The following RALGAPA2 variants were observed in gnomAD, a reference collection of about 807,000 sequenced individuals.
RALGAPA2 encodes Ral GTPase activating protein catalytic subunit alpha 2.
In RALGAPA2, 139 loss-of-function variants were observed where a neutral mutation model predicts 230.4. That is an observed-to-expected ratio of 0.60 (90% CI 0.53 to 0.69). RALGAPA2 has a LOEUF of 0.69. Ranked by LOEUF, RALGAPA2 falls within the 30% of genes least tolerant of loss-of-function variation. The pLI is 0.00. For missense variants in RALGAPA2, 2,163 were observed against 2,276.0 expected, an observed-to-expected ratio of 0.95 and a Z score of 1.01; for synonymous variants, 847 against 837.8, an observed-to-expected ratio of 1.01 and a Z score of -0.19.
chr20:20,527,720 A>G (rs1356170079), intron 27 of RALGAPA2, among the ~76,000 whole-genome samples: 1 of 151,760 alleles, frequency 6.6e-6, no homozygotes, highest in Admixed American at 6.6e-5. Context: ...TTTGTTTGTT[A>G]TTTTCCTGCA....
chr20:20,511,448 T>A, intron 32 of RALGAPA2, 123 bp from the exon 33 acceptor site: 2 of 1,401,954 alleles, frequency 1.4e-6, no homozygotes, highest in Non-Finnish European at 1.9e-6. Context: ...ACAAAAGATT[T>A]GTGATAGAAA....
chr20:20,584,820 A>G (rs2065085334), intron 19 of RALGAPA2, 45 bp downstream of exon 19: 2 of 1,343,012 alleles, frequency 1.5e-6, no homozygotes, highest in Admixed American at 1.8e-5. Context: ...AAAATAGAAC[A>G]TATCAACTCT....
intron 35 of RALGAPA2, among the ~76,000 whole-genome samples, chr20:20,502,954 A>T (rs1251056613): frequency 6.6e-6 from 1 of 152,208 alleles, no homozygotes; most frequent in African/African-American, 2.4e-5. Flanking sequence ...AACTGGCCAC[A>T]AGGCAAGTTG....
chr20:20,473,057 A>G, intron 36 of RALGAPA2, 101 bp from the exon 37 acceptor site: 1 of 1,289,752 alleles, frequency 7.8e-7, no homozygotes, highest in African/African-American at 1.5e-5. Context: ...TGAGCACTTA[A>G]GCTGTCACCC....
chr20:20,470,243 T>C (rs954030072), intron 37 of RALGAPA2, among the ~76,000 whole-genome samples: 6 of 152,208 alleles, frequency 3.9e-5, no homozygotes, highest in African/African-American at 1.4e-4. Context: ...TTAGCTTAAT[T>C]AGAAATGTTT....
At chr20:20,593,913 C>T (rs926593368) in intron 16 of RALGAPA2, among the ~76,000 whole-genome samples, 4 of 152,210 alleles carry the variant, frequency 2.6e-5, no homozygotes, top group African/African-American at 9.6e-5. Context: ...GTCTGCCTTC[C>T]CAACAGGCTG....
intron 2 of RALGAPA2, 144 bp downstream of exon 2, chr20:20,680,547 C>T (rs2146830172): frequency 8.3e-7 from 1 of 1,203,790 alleles, no homozygotes. Context: ...AACAAAGATG[C>T]CACCCTGTCC....
At chr20:20,412,219 T>A (rs1167555313) in intron 37 of RALGAPA2, 71 bp from the exon 38 acceptor site, 23 of 1,583,916 alleles carry the variant, frequency 1.5e-5, no homozygotes, top group Non-Finnish European at 1.5e-5. Flanking sequence ...AATTCACTTT[T>A]AATACCGTTG....
At chr20:20,536,015 C>T (rs1246849361) in intron 25 of RALGAPA2, among the ~76,000 whole-genome samples, 1 of 152,128 alleles carries the variant, frequency 6.6e-6, no homozygotes, top group African/African-American at 2.4e-5. Flanking sequence ...CTCCTTAGGC[C>T]ATTCAGCCCG....
At chr20:20,677,742 C>T (rs1460232795) in intron 2 of RALGAPA2, among the ~76,000 whole-genome samples, 2 of 141,138 alleles carry the variant, frequency 1.4e-5, no homozygotes, top group East Asian at 4.5e-4. Context: ...CTCCTGGGTT[C>T]ACTCCATTCT....
At chr20:20,604,647 G>A (rs772727588) in intron 15 of RALGAPA2, among the ~76,000 whole-genome samples, 4 of 151,800 alleles carry the variant, frequency 2.6e-5, no homozygotes, top group South Asian at 2.1e-4. Context: ...ACACAAATTC[G>A]TAAACTTTCT....
chr20:20,585,849 G>T (rs1379804632), intron 18 of RALGAPA2, among the ~76,000 whole-genome samples: 1 of 151,922 alleles, frequency 6.6e-6, no homozygotes, highest in African/African-American at 2.4e-5. Context: ...GGTTCAAGTG[G>T]GGAACAAGAT....
At chr20:20,702,944 G>A (rs1444557004) in intron 1 of RALGAPA2, among the ~76,000 whole-genome samples, 2 of 151,984 alleles carry the variant, frequency 1.3e-5, no homozygotes, top group African/African-American at 2.4e-5. Flanking sequence ...AGGCCGAGGC[G>A]GACTAATCAC....
intron 36 of RALGAPA2, among the ~76,000 whole-genome samples, chr20:20,490,869 C>A (rs1366306950): frequency 1.3e-5 from 2 of 150,596 alleles, no homozygotes; most frequent in African/African-American, 4.9e-5. Context: ...TGAACACACA[C>A]ACACACACAC....
chr20:20,676,186 T>C (rs1311034593), intron 3 of RALGAPA2, 50 bp downstream of exon 3: 2 of 1,236,068 alleles, frequency 1.6e-6, no homozygotes, highest in Non-Finnish European at 2.2e-6. Flanking sequence ...TCAAAAATAC[T>C]TTATTTCCAA....
intron 36 of RALGAPA2, among the ~76,000 whole-genome samples, chr20:20,488,463 G>A (rs139670922): frequency 4.6e-3 from 696 of 152,282 alleles, no homozygotes; most frequent in Non-Finnish European, 7.9e-3. Flanking sequence ...CTGCTCCTGG[G>A]CTTCTGTTCT....
chr20:20,603,640 T>C (rs1238510006), intron 15 of RALGAPA2, among the ~76,000 whole-genome samples: 1 of 152,210 alleles, frequency 6.6e-6, no homozygotes, highest in African/African-American at 2.4e-5. Flanking sequence ...TCATTGCCCC[T>C]GCTGACAGCC....
chr20:20,546,533 G>C (rs537681418), intron 24 of RALGAPA2, among the ~76,000 whole-genome samples, 171 bp downstream of exon 24: 52 of 152,172 alleles, frequency 3.4e-4, no homozygotes, highest in African/African-American at 1.2e-3. Context: ...CAAAACCAGT[G>C]TGTCATCTTA....
Position 20,619,407 on chromosome 20 carries a change from G to T in RALGAPA2, c.1409C>A (p.Ser470Tyr). The change falls in exon 12 of 40, where the codon TCT becomes TAT. Residue 470 changes from serine to tyrosine, a missense_variant. Transcript: ENST00000202677. ...FSETDSKEAS[S>Y]ESSGHKRSSS... Reference sequence around the variant, plus strand: ...AGATCGTTTATGACCAGAACTTTCAGATGAGGCCTTCAGAAGATAATGATC... The same window carrying T: ...AGATCGTTTATGACCAGAACTTTCATATGAGGCCTTCAGAAGATAATGATC... 6.3e-7 allele frequency: 1 copy of T among 1,599,228 alleles called. No homozygotes were observed. Among genetic ancestry groups the T allele is most frequent in the Non-Finnish European group, 8.5e-7 (1 of 1,171,010 alleles).
Sources: allele counts gnomAD v4.1 joint callset (sites outside exome capture counted in the v4.1 genomes callset), GRCh38; gene constraint gnomAD v4.1.1; transcripts MANE v1.5; gene names NCBI Gene and HGNC (gene_info 2026-07-23, HGNC 2026-07-21).